The following CELSR3 variants were observed in gnomAD, a reference collection of about 807,000 sequenced individuals.
CELSR3 encodes the protein cadherin EGF LAG seven-pass G-type receptor 3, also known as EGF-like protein 1.
In CELSR3, 73 loss-of-function variants were observed where a neutral mutation model predicts 270.0. That is an observed-to-expected ratio of 0.27 (90% confidence interval 0.22 to 0.33). The LOEUF is 0.33. Among genes scored for constraint, CELSR3 ranks in the 10% least tolerant of loss-of-function variants. The probability of loss-of-function intolerance (pLI) is 1.00; values close to 1 mark genes in which losing one functional copy is unlikely to be tolerated. For missense variants in CELSR3, 3,614 were observed against 4,533.8 expected, an observed-to-expected ratio of 0.80 and a Z score of 5.83; for synonymous variants, 1,780 against 1,905.4, an observed-to-expected ratio of 0.93 and a Z score of 1.71.
intron 19 of CELSR3, 28 bp downstream of exon 19, chr3:48,648,238 G>GGCCCCCCCCCCCCC: frequency 3.0e-6 from 4 of 1,342,612 alleles, no homozygotes; most frequent in Non-Finnish European, 4.2e-6. Flanking sequence ...CCCCTGCTGT[G>GGCCCCCCCCCCCCC]CCCCGCCCTA....
At position 48,639,669 on chromosome 3, in the gene CELSR3, C is replaced by T; in HGVS notation, c.9911+5G>A. The T allele has an allele frequency of 6.2e-7, 1 of 1,613,086 alleles. No individual in the cohort carries two copies. Among genetic ancestry groups the T allele is most frequent in the Non-Finnish European group, 8.5e-7 (1 of 1,179,760 alleles). On this transcript the variant is annotated splice_donor_5th_base_variant and intron_variant, in intron 34 of 34. Transcript: ENST00000164024. This position sits in a 1 kb window ranked among gnomAD's most constrained non-coding sequence, Gnocchi z 4.1. ...GGTGCAAGCAGGTGGCTGGACCATA[C>T]TTACTCTGAGTCTGGCGACAGCTCC...
At chr3:48,648,526 G>C in intron 18 of CELSR3, 65 bp from the exon 19 acceptor site, 1 of 1,458,724 alleles carries the variant, frequency 6.9e-7, no homozygotes, top group Admixed American at 2.3e-5. Context: ...GATAGGGCAG[G>C]CATGAGAGGT....
At chr3:48,638,567 G>T (rs988755209) in intron 34 of CELSR3, among the ~76,000 whole-genome samples, 2 of 151,474 alleles carry the variant, frequency 1.3e-5, no homozygotes, top group Non-Finnish European at 2.9e-5. Flanking sequence ...CTTTACAGAT[G>T]AGGAAACTGA....
In CELSR3 at chr3:48,655,995, G is replaced by C; in HGVS notation, c.4626-144C>G. On this transcript the variant is annotated intron_variant, in intron 3 of 34. Transcript: ENST00000164024. The surrounding 1 kb of genome is among the most constrained non-coding windows in gnomAD (Gnocchi z 5.8). ...CGGGACCGACCGGGGGGACGCGGGT[G>C]CAGCGAGGTCAGGAGACCCCGGGCG... 1 of 1,118,002 alleles carries C rather than the reference G, an allele frequency of 8.9e-7. No individual in the cohort carries two copies. The highest frequency in any genetic ancestry group is 1.3e-6 in the Non-Finnish European group (1 of 772,284). 69.3% of individuals were successfully genotyped at this position (1,118,002 alleles called of 1,614,324 possible). A position where few individuals can be genotyped will look rare whatever the true frequency, so the allele number is the denominator to read the frequency against.
rs776418614 is a variant in CELSR3 at position 48,644,422 on chromosome 3, T to TAC, written c.8086-129_8086-128dup. On this transcript the variant is annotated intron_variant, in intron 26 of 34. Coordinates refer to ENST00000164024, the MANE Select transcript of CELSR3 (RefSeq NM_001407.3). This position sits in a 1 kb window ranked among gnomAD's most constrained non-coding sequence, Gnocchi z 4.8. ...AGAACCAGTGAGAAATTCACACATA[T>TAC]ACACACACACCAAAGGAGCTTAGCA... is the stretch of plus-strand genomic sequence containing the variant. 218 of 817,480 alleles carry TAC rather than the reference T, an allele frequency of 2.7e-4. No homozygotes were observed. Among genetic ancestry groups the TAC allele is most frequent in the Non-Finnish European group, 3.6e-4 (176 of 492,418 alleles). The allele number at this position is 817,480 out of a possible 1,614,324, so 50.6% of individuals were successfully genotyped here.
Position 48,650,170 on chromosome 3 carries a change from A to T in CELSR3, c.6472+310T>A. 1.9e-6 allele frequency: 1 copy of T among 513,026 alleles called. No individual in the cohort carries two copies. The highest frequency in any genetic ancestry group is 1.5e-5 in the South Asian group (1 of 65,082). The allele number at this position is 513,026 out of a possible 1,614,324, so 31.8% of individuals were successfully genotyped here. A position where few individuals can be genotyped will look rare whatever the true frequency, so the allele number is the denominator to read the frequency against. On this transcript the variant is annotated intron_variant, in intron 16 of 34. Coordinates refer to ENST00000164024, the MANE Select transcript of CELSR3 (RefSeq NM_001407.3). The surrounding 1 kb of genome is among the most constrained non-coding windows in gnomAD (Gnocchi z 5.1). ...GCCAGAAGGGGCCTGCAGGGACTTT[A>T]GGCAGCAGGGAGGGGTCTGCAGGGA...
intron 16 of CELSR3, among the ~76,000 whole-genome samples, chr3:48,649,920 G>A (rs2047122358): frequency 6.6e-6 from 1 of 152,170 alleles, no homozygotes; most frequent in Non-Finnish European, 1.5e-5. Context: ...TCAAGCAGCA[G>A]GGAGTGTTCT....
rs1449029134 is a variant in CELSR3 at position 48,644,231 on chromosome 3, T to A, written c.8150A>T (p.Lys2717Met). The A allele has an allele frequency of 1.2e-6, 2 of 1,612,954 alleles. No individual in the cohort carries two copies. Among genetic ancestry groups the A allele is most frequent in the Non-Finnish European group, 1.7e-6 (2 of 1,179,770 alleles). The change falls in exon 27 of 35, where the codon AAG becomes ATG. Residue 2717 changes from lysine to methionine, a missense_variant. Physicochemically the swap from Lys to Met is moderately conservative, Grantham distance 95 (BLOSUM62 -1). Transcript: ENST00000164024. The surrounding 1 kb of genome is among the most constrained non-coding windows in gnomAD (Gnocchi z 4.8). ...TSCSTGQREAKKTSALTLRSS... is the reference protein window; with the variant it reads ...TSCSTGQREAMKTSALTLRSS... The stretch of plus-strand genomic sequence containing the variant: ...GCCAACTCACAGTGCAGAGGTCTTC[T>A]TGGCCTCCCTCTGCCCTGTGGAGCA...
In CELSR3 at chr3:48,653,865, G is replaced by A; in HGVS notation, c.5278+13C>T. The A allele has an allele frequency of 1.2e-6, 2 of 1,613,400 alleles. No homozygotes were observed. Among genetic ancestry groups the A allele is most frequent in the Non-Finnish European group, 1.7e-6 (2 of 1,179,504 alleles). On this transcript the variant is annotated intron_variant, in intron 8 of 34. Coordinates refer to ENST00000164024, the MANE Select transcript of CELSR3 (RefSeq NM_001407.3). The surrounding 1 kb of genome is among the most constrained non-coding windows in gnomAD (Gnocchi z 6.5). ...GACCCTGCAGGCCCCTCTGCCCCAT[G>A]CTGCCCACTTACTAAGCTGACAGTC...
chr3:48,651,506 C>A lies in CELSR3; in HGVS notation c.6066-27G>T, dbSNP rs2047136884. ...TGGGGGTGCAGAGCCAGGTAAGATG[C>A]CTCCACGGTATCCCAGTGACCCTCC... On this transcript the variant is annotated intron_variant, in intron 13 of 34. Coordinates refer to ENST00000164024, the MANE Select transcript of CELSR3 (RefSeq NM_001407.3). The surrounding 1 kb of genome is among the most constrained non-coding windows in gnomAD (Gnocchi z 7.4). The A allele has an allele frequency of 1.9e-6, 3 of 1,611,836 alleles. No homozygotes were observed. Among genetic ancestry groups the A allele is most frequent in the Non-Finnish European group, 2.5e-6 (3 of 1,178,598 alleles).
rs1473750974 is a variant in CELSR3, at chr3:48,646,271, C to T, written c.7296-14G>A. ...TTCTGAGGAAGCCTGGGGAGACACC[C>T]ATCTGGGCTTACGCACTGCTGACCT... On this transcript the variant is annotated splice_polypyrimidine_tract_variant and intron_variant, in intron 21 of 34. Coordinates refer to ENST00000164024, the MANE Select transcript of CELSR3 (RefSeq NM_001407.3). The surrounding 1 kb of genome is among the most constrained non-coding windows in gnomAD (Gnocchi z 4.8). 5 of 1,605,156 alleles carry T rather than the reference C, an allele frequency of 3.1e-6. No homozygotes were observed. The highest frequency in any genetic ancestry group is 4.3e-6 in the Non-Finnish European group (5 of 1,175,074).
chr3:48,660,966 C>A lies in CELSR3; in HGVS notation c.1669G>T (p.Asp557Tyr). Reference sequence around the variant, plus strand: ...AGCACGACTGTGTGGGGGCGCACATCCTCGCGCACCTGCGCCACGTAGCGC... The same window carrying A: ...AGCACGACTGTGTGGGGGCGCACATACTCGCGCACCTGCGCCACGTAGCGC... ...EKRYVAQVRE[D>Y]VRPHTVVLRV... The change falls in exon 1 of 35, where the codon GAT becomes TAT. Residue 557 changes from aspartate to tyrosine, a missense_variant. Physicochemically the swap from Asp to Tyr is radical, Grantham distance 160. Around this residue, in one of 7 missense-constraint regions of CELSR3, gnomAD observed 354 missense variants for 500.9 expected, o/e 0.71. Transcript: ENST00000164024. This position sits in a 1 kb window ranked among gnomAD's most constrained non-coding sequence, Gnocchi z 5.5. The A allele has an allele frequency of 1.2e-6, 2 of 1,613,936 alleles. No individual in the cohort carries two copies. The highest frequency in any genetic ancestry group is 8.5e-7 in the Non-Finnish European group (1 of 1,180,034).
rs754607488 is a variant in CELSR3, at chr3:48,653,950, A to G, written c.5206T>C (p.Phe1736Leu). The G allele has an allele frequency of 1.2e-6, 2 of 1,613,644 alleles. No individual in the cohort carries two copies. Among genetic ancestry groups the G allele is most frequent in the South Asian group, 2.2e-5 (2 of 91,086 alleles). ...CDSGPCKNSG[F>L]CSERWGSFSC... is the part of the protein sequence containing the mutation. ...AAGCTGCCCCAGCGCTCCGAGCAGA[A>G]GCCACTGTTCTTGCAGGGGCCTGAG... Residue 1736 changes from phenylalanine to leucine, a missense_variant, in exon 8 of 35, where the codon TTC becomes CTC. Transcript: ENST00000164024. The surrounding 1 kb of genome is among the most constrained non-coding windows in gnomAD (Gnocchi z 6.5).
rs1469270105 is a variant in CELSR3 at position 48,661,781 on chromosome 3, C to A, written c.854G>T (p.Arg285Leu). The A allele has an allele frequency of 3.7e-6, 6 of 1,602,006 alleles. No homozygotes were observed. Among genetic ancestry groups the A allele is most frequent in the Non-Finnish European group, 5.1e-6 (6 of 1,176,116 alleles). The change falls in exon 1 of 35, where the codon CGC (arginine) becomes CTC (leucine). Residue 285 changes from arginine to leucine, a missense_variant. By Grantham distance (102) the Arg-to-Leu change is moderately radical. Coordinates refer to ENST00000164024, the MANE Select transcript of CELSR3 (RefSeq NM_001407.3). ...RMRSRGLFRC[R>L]FLPQRPGPRP... is the part of the protein sequence containing the mutation. Reference sequence around the variant, plus strand: ...CGGCCCGGGGCGCTGCGGGAGGAAGCGGCAGCGGAAGAGACCCCGGGAGCG... The same window carrying A: ...CGGCCCGGGGCGCTGCGGGAGGAAGAGGCAGCGGAAGAGACCCCGGGAGCG...
Position 48,644,227 on chromosome 3 carries a change from C to A in CELSR3, c.8154G>T (p.Lys2718Asn). The part of the protein sequence containing the change: ...SCSTGQREAK[K>N]TSALTLRSSF... Reference sequence around the variant, plus strand: ...GCCAGCCAACTCACAGTGCAGAGGTCTTCTTGGCCTCCCTCTGCCCTGTGG... The same window carrying A: ...GCCAGCCAACTCACAGTGCAGAGGTATTCTTGGCCTCCCTCTGCCCTGTGG... The change falls in exon 27 of 35, where the codon AAG becomes AAT. Residue 2718 changes from lysine to asparagine, a missense_variant. Physicochemically the swap from Lys to Asn is moderately conservative, Grantham distance 94. Around this residue, in one of 7 missense-constraint regions of CELSR3, gnomAD observed 1,240 missense variants for 1,351.7 expected, o/e 0.92. Transcript: ENST00000164024. The surrounding 1 kb of genome is among the most constrained non-coding windows in gnomAD (Gnocchi z 4.8). 6.2e-7 allele frequency: 1 copy of A among 1,612,894 alleles called. No homozygotes were observed. The highest frequency in any genetic ancestry group is 8.5e-7 in the Non-Finnish European group (1 of 1,179,736).
rs1443317546 is a variant in CELSR3 at position 48,661,567 on chromosome 3, C to A, written c.1068G>T (p.Glu356Asp). 4 of 1,608,844 alleles carry A rather than the reference C, an allele frequency of 2.5e-6. No homozygotes were observed. The highest frequency in any genetic ancestry group is 1.7e-4 in the Middle Eastern group (1 of 6,052). Residue 356 changes from glutamate to aspartate, a missense_variant, in exon 1 of 35, where the codon GAG becomes GAT. This residue lies in a region of CELSR3 where 354 missense variants were observed against 500.9 expected (regional missense o/e 0.71). Transcript: ENST00000164024. ...CCAGCGAGTAGACTAGGCGCCCGGC[C>A]TCGCCGGCGTCCGGGTCCTGAGCAA... ...RVVAQDPDAG[E>D]AGRLVYSLAA...
Position 48,653,332 on chromosome 3 carries a change from A to C in CELSR3, c.5449-145T>G, listed in dbSNP as rs2047153988. The C allele has an allele frequency of 2.6e-6, 2 of 775,714 alleles. No individual in the cohort carries two copies. Among genetic ancestry groups the C allele is most frequent in the Non-Finnish European group, 4.1e-6 (2 of 485,352 alleles). The allele number at this position is 775,714 out of a possible 1,614,324, so 48.1% of individuals were successfully genotyped here. ...TACCTGGCACAAAGGGCACTGTGCC[A>C]GGGGACATCATGTTGCTGATATGGG... On this transcript the variant is annotated intron_variant, in intron 9 of 34. Coordinates refer to ENST00000164024, the MANE Select transcript of CELSR3 (RefSeq NM_001407.3). The surrounding 1 kb of genome is among the most constrained non-coding windows in gnomAD (Gnocchi z 6.5).
chr3:48,650,432 C>CCGGGGGGGGGGGGGGGGGGGGGGGGGG lies in CELSR3; in HGVS notation c.6472+47_6472+48insCCCCCCCCCCCCCCCCCCCCCCCCCCG. 5 of 1,208,942 alleles carry CCGGGGGGGGGGGGGGGGGGGGGGGGGG rather than the reference C, an allele frequency of 4.1e-6. No individual in the cohort carries two copies. The highest frequency in any genetic ancestry group is 2.8e-5 in the East Asian group (1 of 35,584). The allele number at this position is 1,208,942 out of a possible 1,614,324, so 74.9% of individuals were successfully genotyped here. On this transcript the variant is annotated intron_variant, in intron 16 of 34. Coordinates refer to ENST00000164024, the MANE Select transcript of CELSR3 (RefSeq NM_001407.3). This position sits in a 1 kb window ranked among gnomAD's most constrained non-coding sequence, Gnocchi z 5.1. ...AGACATGGCTCTAGCAGTCAGAGTA[C>CCGGGGGGGGGGGGGGGGGGGGGGGGGG]AGGCCCACCCCCACCCTCAGTGATG...
chr3:48,645,665 T>G lies in CELSR3; in HGVS notation c.7591-16A>C. The G allele has an allele frequency of 6.2e-7, 1 of 1,604,914 alleles. No homozygotes were observed. The highest frequency in any genetic ancestry group is 8.5e-7 in the Non-Finnish European group (1 of 1,173,624). ...CCTCCAGCCTCTACAGAGACAGGGA[T>G]GGTTGATGGGTTGTTGGGCAGAATC... On this transcript the variant is annotated splice_polypyrimidine_tract_variant and intron_variant, in intron 23 of 34. Coordinates refer to ENST00000164024, the MANE Select transcript of CELSR3 (RefSeq NM_001407.3). This position sits in a 1 kb window ranked among gnomAD's most constrained non-coding sequence, Gnocchi z 5.4.
Sources: allele counts gnomAD v4.1 joint callset (sites outside exome capture counted in the v4.1 genomes callset), GRCh38; gene constraint gnomAD v4.1.1; regional missense constraint gnomAD v4.1.1; non-coding constraint Gnocchi (gnomAD v3.1); transcripts MANE v1.5; gene names NCBI Gene and HGNC (gene_info 2026-07-23, HGNC 2026-07-21).